MYO5A: variants seen among roughly 807,000 people sequenced by gnomAD.
MYO5A encodes unconventional myosin-Va.
MYO5A carries 98 observed loss-of-function variants against 249.7 expected under a neutral mutation model. The observed-to-expected ratio is 0.39, with a 90% confidence interval of 0.33 to 0.46. MYO5A has a LOEUF of 0.46. Ranked by LOEUF, MYO5A falls within the 20% of genes least tolerant of loss-of-function variation. MYO5A has a pLI of 0.98. For missense variants in MYO5A, 1,696 were observed against 2,308.8 expected (o/e 0.73, Z 5.44); for synonymous variants, 778 against 810.6 (o/e 0.96, Z 0.68).
chr15:52,498,870 C>A (rs1035746580), intron 1 of MYO5A, among the ~76,000 whole-genome samples: 1 of 152,158 alleles, frequency 6.6e-6, no homozygotes, highest in African/African-American at 2.4e-5. Flanking sequence ...TATGTGAATA[C>A]TCACCCATAT....
chr15:52,380,858 C>T (rs2041704653), intron 16 of MYO5A, among the ~76,000 whole-genome samples: 1 of 152,184 alleles, frequency 6.6e-6, no homozygotes, highest in African/African-American at 2.4e-5. Context: ...AAGTCATTAG[C>T]TCAGTATACA....
chr15:52,355,833 C>T (rs1286098304), intron 25 of MYO5A, among the ~76,000 whole-genome samples: 2 of 152,116 alleles, frequency 1.3e-5, no homozygotes, highest in Non-Finnish European at 2.9e-5. Context: ...CATGAAAGTC[C>T]TGGAACCAAT....
intron 8 of MYO5A, among the ~76,000 whole-genome samples, chr15:52,405,994 G>A (rs1447666322): frequency 1.3e-5 from 2 of 152,190 alleles, no homozygotes; most frequent in African/African-American, 4.8e-5. Context: ...AAGCGTTTAG[G>A]CTGGTGCTAT....
intron 14 of MYO5A, among the ~76,000 whole-genome samples, chr15:52,386,442 A>G (rs1015836640): frequency 6.6e-6 from 1 of 152,204 alleles, no homozygotes; most frequent in Non-Finnish European, 1.5e-5. Context: ...AAACCAATAA[A>G]GATCTTTAAC....
At position 52,415,643 on chromosome 15, in the gene MYO5A, T is replaced by C. The variant is rs1350153382; in HGVS notation, c.612+502A>G. Among the ~76,000 whole-genome samples the C allele has an allele frequency of 4.6e-5, 7 of 152,224 alleles. No homozygotes were observed. The East Asian group carries it at 7.7e-4, about 17-fold the overall frequency. ...CAAATCTGGAAAAAAATTAAAACTT[T>C]AGCTATATTAAAATTTAAGCCAACT... is the stretch of plus-strand genomic sequence containing the variant. On this transcript the variant is annotated intron_variant, in intron 5 of 41. Transcript: ENST00000399233.
intron 14 of MYO5A, 22 bp downstream of exon 14, chr15:52,387,807 G>C (rs758173619): frequency 2.0e-6 from 3 of 1,509,440 alleles, no homozygotes; most frequent in Non-Finnish European, 9.2e-7. Flanking sequence ...TCCTGGATTA[G>C]AGTAAGCCTA....
intron 2 of MYO5A, among the ~76,000 whole-genome samples, chr15:52,429,276 G>A (rs145496719): frequency 2.0e-4 from 30 of 152,162 alleles, no homozygotes; most frequent in Middle Eastern, 3.4e-3. Flanking sequence ...GATTTAGGCC[G>A]GACACAGTGG....
intron 1 of MYO5A, among the ~76,000 whole-genome samples, chr15:52,513,853 C>G (rs966416122): frequency 1.2e-4 from 19 of 152,152 alleles, no homozygotes; most frequent in African/African-American, 3.9e-4. Context: ...TACTGCTCCT[C>G]ATAGCATGGG....
In MYO5A at chr15:52,347,240, A is replaced by G. The variant is rs550131477; in HGVS notation, c.3859-779T>C. On this transcript the variant is annotated intron_variant, in intron 29 of 41. Coordinates refer to ENST00000399233, the MANE Select transcript of MYO5A (RefSeq NM_001382347.1). ...CTATCTTTCTAGACAAGAGTAAGAGATAAGAATCACTGCTGGCAAACCACA... is the reference window on the plus strand; with the variant it reads ...CTATCTTTCTAGACAAGAGTAAGAGGTAAGAATCACTGCTGGCAAACCACA... 2.6e-4 allele frequency among the ~76,000 whole-genome samples: 40 copies of G among 152,328 alleles called. 1 individual carries two copies. The South Asian group carries it at 7.9e-3, about 30-fold the overall frequency.
At chr15:52,501,204 C>G (rs28699673) in intron 1 of MYO5A, among the ~76,000 whole-genome samples, 6,096 of 152,138 alleles carry the variant, frequency 0.04, 337 homozygotes, top group African/African-American at 0.13. Context: ...ATCTCCTGAC[C>G]TCATGATCCA....
chr15:52,492,470 AC>A (rs1362970676), intron 1 of MYO5A, among the ~76,000 whole-genome samples: 1 of 152,242 alleles, frequency 6.6e-6, no homozygotes, highest in Non-Finnish European at 1.5e-5. Context: ...AGGACAGGTT[AC>A]ATAGGCAAAC....
intron 1 of MYO5A, among the ~76,000 whole-genome samples, chr15:52,502,269 T>G (rs189261995): frequency 6.6e-6 from 1 of 151,730 alleles, no homozygotes; most frequent in South Asian, 2.1e-4. Context: ...TGCAACAGAG[T>G]GAGACTCCAT....
At chr15:52,433,410 T>G (rs2075585241) in intron 1 of MYO5A, 125 bp from the exon 2 acceptor site, 4 of 416,866 alleles carry the variant, frequency 9.6e-6, no homozygotes, top group Admixed American at 3.8e-5. Flanking sequence ...AACATGAAAT[T>G]CACTTTTTTT....
At chr15:52,524,411 G>C (rs1315326848) in intron 1 of MYO5A, among the ~76,000 whole-genome samples, 2 of 151,920 alleles carry the variant, frequency 1.3e-5, no homozygotes, top group Admixed American at 6.6e-5. Flanking sequence ...AAAATTAGCT[G>C]GGTTTGGTAG....
Position 52,370,213 on chromosome 15 carries a change from A to AT in MYO5A, c.3021dup (p.Cys1008MetfsTer3), listed in dbSNP as rs1567059830. 1 of 1,613,966 alleles carries AT rather than the reference A, an allele frequency of 6.2e-7. No homozygotes were observed. The highest frequency in any genetic ancestry group is 1.7e-5 in the Admixed American group (1 of 60,008). ...TATCGATCTGCATGTTCCTCAATGC[A>AT]TTTTTTCTCTGAACGAGTTTGCTCC... On this transcript the variant is annotated frameshift_variant, in exon 22 of 42. Coordinates refer to ENST00000399233, the MANE Select transcript of MYO5A (RefSeq NM_001382347.1). LOFTEE classifies it high-confidence loss of function.
intron 1 of MYO5A, among the ~76,000 whole-genome samples, chr15:52,521,799 G>A (rs1472576804): frequency 6.6e-6 from 1 of 152,222 alleles, no homozygotes; most frequent in African/African-American, 2.4e-5. Context: ...AAGAGCCAGG[G>A]ATAAGTTTCT....
At chr15:52,505,219 G>A (rs561656948) in intron 1 of MYO5A, 51 of 772,616 alleles carry the variant, frequency 6.6e-5, no homozygotes, top group South Asian at 9.4e-5. Flanking sequence ...AAGCCCCGCC[G>A]GCCTCCAGGT....
chr15:52,396,447 T>C (rs572755160), intron 10 of MYO5A, 50 bp from the exon 11 acceptor site: 36 of 1,100,274 alleles, frequency 3.3e-5, no homozygotes, highest in Middle Eastern at 2.0e-4. Context: ...ACAAAAAGCT[T>C]TTTAAAAATA....
intron 1 of MYO5A, among the ~76,000 whole-genome samples, chr15:52,451,845 G>C (rs530212305): frequency 6.6e-6 from 1 of 152,098 alleles, no homozygotes; most frequent in African/African-American, 2.4e-5. Context: ...CCACTGTTAC[G>C]TTTTCTCAGA....
Sources: allele counts gnomAD v4.1 joint callset (sites outside exome capture counted in the v4.1 genomes callset), GRCh38; gene constraint gnomAD v4.1.1; transcripts MANE v1.5; gene names NCBI Gene and HGNC (gene_info 2026-07-23, HGNC 2026-07-21).